The following GALNTL5 variants were observed in gnomAD, a reference collection of about 807,000 sequenced individuals.
GALNTL5 encodes inactive polypeptide N-acetylgalactosaminyltransferase-like protein 5.
Under a neutral mutation model 51.0 loss-of-function variants are expected in GALNTL5, and 44 were observed. The observed-to-expected ratio is 0.86, with a 90% CI of 0.68 to 1.11. The LOEUF is 1.11. Ranked by LOEUF, GALNTL5 falls within the 50% of genes least tolerant of loss-of-function variation. The pLI is 0.00. For missense variants in GALNTL5, 528 were observed against 531.8 expected (o/e 0.99, Z 0.07); for synonymous variants, 192 against 182.8 (o/e 1.05, Z -0.41).
In GALNTL5 at chr7:151,971,038, G is replaced by T; in HGVS notation, c.341G>T (p.Arg114Ile). ...ATCAGTAGAAGCTTGGGCATCGAAA[G>T]AGAAGTGCCAGATACCAGGAGTAAA... is the stretch of plus-strand genomic sequence containing the variant. The part of the protein sequence containing the change: ...VIISRSLGIE[R>I]EVPDTRSKMC... The change falls in exon 3 of 9, where the codon AGA (arginine) becomes ATA (isoleucine). Residue 114 changes from arginine (R) to isoleucine (I), a missense_variant. By Grantham distance (97) the Arg-to-Ile change is moderately conservative. Coordinates refer to ENST00000392800, the MANE Select transcript of GALNTL5 (RefSeq NM_145292.4). The T allele has an allele frequency of 6.2e-7, 1 of 1,611,608 alleles. No individual in the cohort carries two copies.
At chr7:152,013,819 G>A (rs548407531) in intron 7 of GALNTL5, among the ~76,000 whole-genome samples, 1 of 152,294 alleles carries the variant, frequency 6.6e-6, no homozygotes, top group Admixed American at 6.5e-5. Flanking sequence ...GACTCACTCG[G>A]AATGTTAGGA....
intron 5 of GALNTL5, among the ~76,000 whole-genome samples, chr7:151,992,894 TG>T (rs2081445079): frequency 6.6e-6 from 1 of 152,090 alleles, no homozygotes; most frequent in Admixed American, 6.6e-5. Flanking sequence ...TTCACACACG[TG>T]CTCTCCGCCC....
At chr7:151,959,308 T>C (rs2080963857) in intron 1 of GALNTL5, among the ~76,000 whole-genome samples, 1 of 152,200 alleles carries the variant, frequency 6.6e-6, no homozygotes, top group Non-Finnish European at 1.5e-5. Context: ...TAGATAACTT[T>C]AAAATTTAGA....
At chr7:151,976,162 G>A (rs553032651) in intron 3 of GALNTL5, among the ~76,000 whole-genome samples, 1 of 152,174 alleles carries the variant, frequency 6.6e-6, no homozygotes, top group Non-Finnish European at 1.5e-5. Context: ...GTTGTAAGTG[G>A]GGTATTGAAG....
intron 4 of GALNTL5, chr7:151,984,197 A>G (rs1202128283): frequency 6.6e-6 from 1 of 152,270 alleles, no homozygotes; most frequent in African/African-American, 2.4e-5. Flanking sequence ...GACCAACTGC[A>G]GTTAAGTGTG....
intron 5 of GALNTL5, among the ~76,000 whole-genome samples, chr7:151,989,685 A>G (rs2081402701): frequency 6.6e-6 from 1 of 152,212 alleles, no homozygotes. Flanking sequence ...AAGTTTCACC[A>G]ATTAACAATC....
intron 1 of GALNTL5, among the ~76,000 whole-genome samples, chr7:151,966,107 C>T (rs565234560): frequency 1.1e-4 from 17 of 152,104 alleles, no homozygotes; most frequent in African/African-American, 3.4e-4. Flanking sequence ...TATATCACAC[C>T]CTACTTGCTT....
At position 151,967,320 on chromosome 7, in the gene GALNTL5, T is replaced by C. The variant is rs758136829; in HGVS notation, c.74T>C (p.Ile25Thr). Reference protein sequence around the residue: ...TFGIWTALLFIYLHHNHVSSW... With the variant: ...TFGIWTALLFTYLHHNHVSSW... ...GGGATCTGGACAGCTCTGTTATTCA[T>C]ATATTTGCACCATAATCATGTGAGC... Residue 25 changes from isoleucine (I) to threonine (T), a missense_variant, in exon 2 of 9, where the codon ATA (isoleucine) becomes ACA (threonine). By Grantham distance (89) the Ile-to-Thr change is moderately conservative. Transcript: ENST00000392800. 5 of 1,614,148 alleles carry C rather than the reference T, an allele frequency of 3.1e-6. No homozygotes were observed. In the South Asian group the frequency reaches 3.3e-5, roughly 11 times the overall value.
intron 6 of GALNTL5, among the ~76,000 whole-genome samples, chr7:152,007,413 C>CTTTTTTTT (rs34271081): frequency 9.1e-6 from 1 of 109,954 alleles, no homozygotes; most frequent in Non-Finnish European, 1.8e-5. Flanking sequence ...AATGTTTTCT[C>CTTTTTTTT]TTTTTTTTTT....
chr7:151,970,978 A>T lies in GALNTL5; in HGVS notation c.281A>T (p.His94Leu). The change falls in exon 3 of 9, where the codon CAT (histidine) becomes CTT (leucine). Residue 94 changes from histidine to leucine, a missense_variant. His to Leu is a moderately conservative substitution (Grantham distance 99). Transcript: ENST00000392800. ...TTTAACCATACAAACCCAGAACTTCATAAAGAACTTTTAAAATATGGATTT... is the reference window on the plus strand; with the variant it reads ...TTTAACCATACAAACCCAGAACTTCTTAAAGAACTTTTAAAATATGGATTT... ...TDFNHTNPEL[H>L]KELLKYGFNV... 3 of 1,606,572 alleles carry T rather than the reference A, an allele frequency of 1.9e-6. No individual in the cohort carries two copies. Among genetic ancestry groups the T allele is most frequent in the Non-Finnish European group, 2.6e-6 (3 of 1,173,926 alleles).
intron 5 of GALNTL5, among the ~76,000 whole-genome samples, chr7:152,000,404 G>T (rs980937340): frequency 2.6e-5 from 4 of 152,216 alleles, no homozygotes; most frequent in African/African-American, 7.2e-5. Flanking sequence ...CACCAGGGAT[G>T]AGAAGGGAGG....
intron 1 of GALNTL5, among the ~76,000 whole-genome samples, chr7:151,959,918 G>T (rs942056576): frequency 1.2e-4 from 19 of 152,064 alleles, no homozygotes; most frequent in African/African-American, 4.4e-4. Context: ...CAGGTCTCTG[G>T]CGTGTCTCTA....
intron 1 of GALNTL5, among the ~76,000 whole-genome samples, chr7:151,962,436 C>T (rs77306568): frequency 1.5e-3 from 173 of 116,134 alleles, no homozygotes; most frequent in East Asian, 1.9e-3. Flanking sequence ...ATTTTTTTTT[C>T]TTTTTTTTTT....
chr7:151,981,499 T>G (rs2081285131), intron 3 of GALNTL5, among the ~76,000 whole-genome samples: 1 of 152,128 alleles, frequency 6.6e-6, no homozygotes, highest in South Asian at 2.1e-4. Context: ...CTGCAGCTTC[T>G]AGGTCCTGTG....
At chr7:152,016,364 G>A (rs964153416) in intron 8 of GALNTL5, among the ~76,000 whole-genome samples, 3 of 150,534 alleles carry the variant, frequency 2.0e-5, no homozygotes, top group Non-Finnish European at 4.4e-5. Flanking sequence ...AGATTGTGCC[G>A]TTGCACTTCA....
Position 151,993,318 on chromosome 7 carries a change from G to A in GALNTL5, c.658+6037G>A, listed in dbSNP as rs1213784044. Among the ~76,000 whole-genome samples, 8 of 151,624 alleles carry A rather than the reference G, an allele frequency of 5.3e-5. No individual in the cohort carries two copies. The South Asian group carries it at 1.7e-3, about 32-fold the overall frequency. On this transcript the variant is annotated intron_variant, in intron 5 of 8. Coordinates refer to ENST00000392800, the MANE Select transcript of GALNTL5 (RefSeq NM_145292.4). ...TACTTTTCACTTTACCAGACTCATA[G>A]AACAAATTGTATGGTTTTTCTTTTT... is the stretch of plus-strand genomic sequence containing the variant.
intron 1 of GALNTL5, among the ~76,000 whole-genome samples, chr7:151,958,496 C>T (rs2080952787): frequency 6.6e-6 from 1 of 152,320 alleles, no homozygotes; most frequent in Admixed American, 6.5e-5. Flanking sequence ...CTTCCTGCCA[C>T]CTGCAGCATA....
intron 1 of GALNTL5, among the ~76,000 whole-genome samples, chr7:151,957,596 G>A (rs1001033215): frequency 6.6e-6 from 1 of 151,590 alleles, no homozygotes; most frequent in African/African-American, 2.4e-5. Flanking sequence ...CTCAATGACT[G>A]TAAATGCAGA....
intron 5 of GALNTL5, among the ~76,000 whole-genome samples, chr7:151,991,221 T>C (rs2081425123): frequency 6.6e-6 from 1 of 152,012 alleles, no homozygotes; most frequent in African/African-American, 2.4e-5. Context: ...GCCTCCCAAG[T>C]AGTTGGGATT....
Sources: gnomAD v4.1 joint callset for allele counts (sites outside exome capture counted in the v4.1 genomes callset) on GRCh38, gnomAD v4.1.1 for gene constraint, MANE v1.5 for transcripts, NCBI Gene and HGNC (gene_info 2026-07-23, HGNC 2026-07-21) for gene names.